Variants in PHF24 observed in about 807,000 individuals in gnomAD.
PHF24 encodes Galpha inhibitory interacting protein.
PHF24 carries 25 observed loss-of-function variants against 42.6 expected under a neutral mutation model. The ratio of observed to expected loss-of-function variants is 0.59; its 90% CI spans 0.43 to 0.82. PHF24 has a LOEUF of 0.82. Among genes scored for constraint, PHF24 ranks in the 40% least tolerant of loss-of-function variants. The pLI, the probability that PHF24 is intolerant of heterozygous loss-of-function variation, is 0.00. For synonymous variants in PHF24, 185 were observed against 204.8 expected, an observed-to-expected ratio of 0.90 and a Z score of 0.83; for missense variants, 470 against 538.1, an observed-to-expected ratio of 0.87 and a Z score of 1.25.
the PHF24 span, among the ~76,000 whole-genome samples, chr9:34,812,022 A>G: frequency 2.6e-5 from 4 of 152,236 alleles, no homozygotes; most frequent in East Asian, 1.9e-4. Context: ...CAAACGACCA[A>G]TACGCACATT....
the PHF24 span, among the ~76,000 whole-genome samples, chr9:34,667,643 T>C: frequency 6.6e-6 from 1 of 152,136 alleles, no homozygotes; most frequent in Admixed American, 6.5e-5. Flanking sequence ...GGAAGGGCCA[T>C]GGGCTGTAAT....
the PHF24 span, among the ~76,000 whole-genome samples, chr9:34,943,507 A>G: frequency 3.9e-5 from 6 of 152,214 alleles, no homozygotes; most frequent in African/African-American, 1.4e-4. Flanking sequence ...GTATTCTATT[A>G]GAACCATGAG....
At chr9:34,781,212 A>C in the PHF24 span, among the ~76,000 whole-genome samples, 1 of 152,258 alleles carries the variant, frequency 6.6e-6, no homozygotes, top group South Asian at 2.1e-4. Flanking sequence ...TAACCAGAAG[A>C]TAGAAACACC....
chr9:34,666,552 ATT>A, the PHF24 span, among the ~76,000 whole-genome samples: 49 of 132,572 alleles, frequency 3.7e-4, no homozygotes, highest in Admixed American at 1.6e-3. Flanking sequence ...TCTTCTTGTG[ATT>A]TTTTTTTTTT....
At chr9:34,942,060 G>A in the PHF24 span, among the ~76,000 whole-genome samples, 1 of 152,170 alleles carries the variant, frequency 6.6e-6, no homozygotes, top group Non-Finnish European at 1.5e-5. Context: ...AGACTTCCAA[G>A]GCCTGCATTG....
At chr9:34,972,079 G>C (rs766584225) in intron 2 of PHF24, among the ~76,000 whole-genome samples, 4 of 152,202 alleles carry the variant, frequency 2.6e-5, no homozygotes, top group Non-Finnish European at 5.9e-5. Context: ...GCAATGCCTG[G>C]AACAATCTCT....
At chr9:34,835,941 C>T in the PHF24 span, 5 of 745,310 alleles carry the variant, frequency 6.7e-6, 1 homozygote, top group South Asian at 7.3e-5. Context: ...TCTAGTCATT[C>T]TCATCCGCCA....
chr9:34,766,618 G>C, the PHF24 span, among the ~76,000 whole-genome samples: 2 of 152,176 alleles, frequency 1.3e-5, no homozygotes, highest in Admixed American at 1.3e-4. Context: ...TTTTTGCAAA[G>C]TTTTTAACTC....
chr9:34,969,236 G>C (rs183009328), intron 1 of PHF24, among the ~76,000 whole-genome samples: 1 of 152,192 alleles, frequency 6.6e-6, no homozygotes, highest in Non-Finnish European at 1.5e-5. Context: ...CTCGACACCT[G>C]AATGTCCCAG....
At chr9:34,784,874 G>A in the PHF24 span, among the ~76,000 whole-genome samples, 1 of 152,176 alleles carries the variant, frequency 6.6e-6, no homozygotes. Context: ...GAGTCAACCA[G>A]TTTTTTCTAA....
chr9:34,756,711 C>T, the PHF24 span, among the ~76,000 whole-genome samples: 1 of 152,056 alleles, frequency 6.6e-6, no homozygotes, highest in African/African-American at 2.4e-5. Flanking sequence ...TCTATGGTTG[C>T]ATATAAATTT....
At chr9:34,923,461 T>C in the PHF24 span, among the ~76,000 whole-genome samples, 1 of 152,216 alleles carries the variant, frequency 6.6e-6, no homozygotes, top group Non-Finnish European at 1.5e-5. Context: ...GGTCCAGGGC[T>C]TTTCTTTGCT....
At chr9:34,906,034 T>C in the PHF24 span, among the ~76,000 whole-genome samples, 1 of 151,914 alleles carries the variant, frequency 6.6e-6, no homozygotes, top group Non-Finnish European at 1.5e-5. Context: ...TGTGTGCACA[T>C]GCAGTCCTGA....
the PHF24 span, chr9:34,835,598 C>A: frequency 2.6e-6 from 4 of 1,551,692 alleles, no homozygotes; most frequent in Non-Finnish European, 3.5e-6. Context: ...CTCATCTCCT[C>A]CTGGTTCAGT....
chr9:34,925,683 G>A, the PHF24 span, among the ~76,000 whole-genome samples: 2 of 151,874 alleles, frequency 1.3e-5, no homozygotes, highest in African/African-American at 4.8e-5. Flanking sequence ...ATTATCAATT[G>A]TTTTCCTGAT....
At chr9:34,785,173 C>A in the PHF24 span, among the ~76,000 whole-genome samples, 46,236 of 152,064 alleles carry the variant, frequency 0.3, 7,455 homozygotes, top group East Asian at 0.56. Context: ...TTGTTGTTTG[C>A]TGTTCTTTCT....
At chr9:34,764,752 G>GT in the PHF24 span, among the ~76,000 whole-genome samples, 1 of 152,068 alleles carries the variant, frequency 6.6e-6, no homozygotes, top group South Asian at 2.1e-4. Context: ...TTTTGAATGT[G>GT]TTTGCTCTTG....
At chr9:34,971,415 G>A (rs1291205695) in exon 2 of PHF24, 1 of 1,614,172 alleles carries the variant, frequency 6.2e-7, no homozygotes, top group South Asian at 1.1e-5. Flanking sequence ...GCACAGGTGA[G>A]CTGCCAGGGT....
chr9:34,777,008 C>T, the PHF24 span, among the ~76,000 whole-genome samples: 2 of 152,180 alleles, frequency 1.3e-5, no homozygotes, highest in African/African-American at 4.8e-5. Context: ...TCTGTAATTT[C>T]CTCAGTGGCT....
Sources: gnomAD v4.1 joint callset for allele counts (sites outside exome capture counted in the v4.1 genomes callset) on GRCh38, gnomAD v4.1.1 for gene constraint, MANE v1.5 for transcripts, NCBI Gene and HGNC (gene_info 2026-07-23, HGNC 2026-07-21) for gene names.